The following TLK1 variants were observed in gnomAD, a reference collection of about 807,000 sequenced individuals.
TLK1 encodes serine/threonine-protein kinase tousled-like 1.
Under a neutral mutation model 105.3 loss-of-function variants are expected in TLK1, and 24 were observed. The observed-to-expected ratio is 0.23, with a 90% CI of 0.17 to 0.32. The LOEUF (loss-of-function observed/expected upper bound fraction) is 0.32, where lower values mean the gene tolerates loss of function less well. Ranked by LOEUF, TLK1 falls within the 10% of genes least tolerant of loss-of-function variation. The pLI, the probability that TLK1 is intolerant of heterozygous loss-of-function variation, is 1.00. For missense variants in TLK1, 558 were observed against 910.5 expected, an observed-to-expected ratio of 0.61 and a Z score of 4.98; for synonymous variants, 321 against 310.4, an observed-to-expected ratio of 1.03 and a Z score of -0.36.
In TLK1 at chr2:171,082,850, G is replaced by C. The variant is rs769116346; in HGVS notation, c.261C>G (p.Ala87=). 1.2e-6 allele frequency: 2 copies of C among 1,602,078 alleles called. No individual in the cohort carries two copies. The highest frequency in any genetic ancestry group is 3.3e-4 in the Middle Eastern group (2 of 6,022). The stretch of plus-strand genomic sequence containing the variant: ...GATTAGAGCTTTCGTTATTTGTTGA[G>C]GCCTGTTAAAGATTTTTTAAAAGGT... ...STGSCSVGAK[A]STNNESSNHS... is the part of the protein sequence containing the mutation. The change falls in exon 3 of 21, where the codon GCC becomes GCG. Residue 87 remains alanine (A), a splice_region_variant and synonymous_variant. Coordinates refer to ENST00000431350, the MANE Select transcript of TLK1 (RefSeq NM_012290.5).
At chr2:171,041,795 T>C (rs1203320112) in intron 11 of TLK1, among the ~76,000 whole-genome samples, 5 of 152,202 alleles carry the variant, frequency 3.3e-5, no homozygotes, top group Admixed American at 6.6e-5. Flanking sequence ...AATTTCTTGA[T>C]AGACAATTGA....
At chr2:171,042,857 G>A (rs1285838960) in intron 11 of TLK1, among the ~76,000 whole-genome samples, 1 of 152,118 alleles carries the variant, frequency 6.6e-6, no homozygotes, top group African/African-American at 2.4e-5. Context: ...TCCATTTAGA[G>A]AATTGAAAAA....
intron 1 of TLK1, among the ~76,000 whole-genome samples, chr2:171,214,286 G>A (rs1425701331): frequency 1.3e-5 from 2 of 152,114 alleles, no homozygotes; most frequent in African/African-American, 4.8e-5. Context: ...CATACGGCTT[G>A]GGTGAGTCAC....
intron 1 of TLK1, among the ~76,000 whole-genome samples, chr2:171,217,919 A>C (rs906399728): frequency 6.6e-6 from 1 of 152,200 alleles, no homozygotes; most frequent in Admixed American, 6.5e-5. Flanking sequence ...TTAGTTTCCT[A>C]TGGCTGCTAT....
chr2:171,071,470 G>C (rs1688252388), intron 3 of TLK1, among the ~76,000 whole-genome samples: 1 of 152,044 alleles, frequency 6.6e-6, no homozygotes, highest in African/African-American at 2.4e-5. Flanking sequence ...TGTATTTTTA[G>C]TAGAGACGGG....
At chr2:171,061,723 G>A (rs530566076) in intron 3 of TLK1, among the ~76,000 whole-genome samples, 17 of 152,230 alleles carry the variant, frequency 1.1e-4, no homozygotes, top group African/African-American at 4.1e-4. Flanking sequence ...ATGGCCTATG[G>A]GCCTAATCAG....
intron 1 of TLK1, chr2:171,154,453 TGGG>T (rs1410739550): frequency 6.6e-6 from 1 of 152,116 alleles, no homozygotes; most frequent in Non-Finnish European, 1.5e-5. Flanking sequence ...AACTGAATTT[TGGG>T]CCCAACTGTC....
At chr2:171,014,740 C>A in intron 13 of TLK1, 111 bp downstream of exon 13, 1 of 816,402 alleles carries the variant, frequency 1.2e-6, no homozygotes, top group South Asian at 1.8e-5. Flanking sequence ...GACTTTGGAT[C>A]TTTTCTAAGT....
chr2:171,104,250 T>TG (rs1355677442), intron 2 of TLK1, among the ~76,000 whole-genome samples: 1 of 148,382 alleles, frequency 6.7e-6, no homozygotes, highest in Non-Finnish European at 1.5e-5. Flanking sequence ...CACTCCAGCC[T>TG]GGGCAACAGA....
chr2:171,040,028 G>C (rs1168027742), intron 11 of TLK1, among the ~76,000 whole-genome samples: 1 of 151,994 alleles, frequency 6.6e-6, no homozygotes, highest in Non-Finnish European at 1.5e-5. Context: ...TGTCCTATAG[G>C]TAGATGTGTG....
intron 2 of TLK1, among the ~76,000 whole-genome samples, chr2:171,102,118 A>G (rs1001682374): frequency 1.3e-5 from 2 of 152,194 alleles, no homozygotes; most frequent in East Asian, 3.8e-4. Context: ...TTCTCTTAAT[A>G]TATCTTGGAG....
rs768871472 is a variant in TLK1 at position 171,055,123 on chromosome 2, G to C, written c.599C>G (p.Pro200Arg). ...GGATAATTGCTTTGGTTGTACAATA[G>C]GGTGGTCCCCAAATGCTAATGCAGT... ...SPTALAFGDH[P>R]IVQPKQLSFK... Residue 200 changes from proline (P) to arginine (R), a missense_variant, in exon 7 of 21, where the codon CCT (proline) becomes CGT (arginine). Transcript: ENST00000431350. 1.3e-6 allele frequency: 2 copies of C among 1,505,672 alleles called. No homozygotes were observed. Among genetic ancestry groups the C allele is most frequent in the Non-Finnish European group, 8.8e-7 (1 of 1,134,248 alleles). The allele number at this position is 1,505,672 out of a possible 1,614,324, so 93.3% of individuals were successfully genotyped here.
chr2:171,226,112 A>C (rs1164916181), intron 1 of TLK1, among the ~76,000 whole-genome samples: 1 of 152,174 alleles, frequency 6.6e-6, no homozygotes, highest in African/African-American at 2.4e-5. Flanking sequence ...AACAAATTGC[A>C]TGTTAATCTA....
chr2:171,191,633 G>T (rs1189195497), intron 1 of TLK1, among the ~76,000 whole-genome samples: 2 of 152,158 alleles, frequency 1.3e-5, no homozygotes, highest in Admixed American at 1.3e-4. Flanking sequence ...CCAGGAGAGG[G>T]CCTTGGGAGG....
intron 1 of TLK1, among the ~76,000 whole-genome samples, chr2:171,194,178 T>C (rs1048628298): frequency 1.3e-5 from 2 of 152,166 alleles, no homozygotes; most frequent in African/African-American, 4.8e-5. Context: ...TTATTCACAT[T>C]AATCTGTGAA....
intron 1 of TLK1, among the ~76,000 whole-genome samples, chr2:171,214,278 T>C (rs934296084): frequency 6.6e-6 from 1 of 152,156 alleles, no homozygotes; most frequent in Non-Finnish European, 1.5e-5. Context: ...TTAGTATCCA[T>C]ACGGCTTGGG....
intron 13 of TLK1, among the ~76,000 whole-genome samples, chr2:171,012,884 TC>T (rs1684987456): frequency 1.3e-5 from 2 of 152,230 alleles, no homozygotes; most frequent in Admixed American, 1.3e-4. Flanking sequence ...CTGCTTAGTT[TC>T]AAGCCACACT....
intron 1 of TLK1, among the ~76,000 whole-genome samples, chr2:171,125,795 T>C (rs145537918): frequency 6.6e-6 from 1 of 152,320 alleles, no homozygotes; most frequent in East Asian, 1.9e-4. Context: ...TTAGCGGTGA[T>C]TTCTGAGATT....
intron 2 of TLK1, among the ~76,000 whole-genome samples, chr2:171,084,909 G>C (rs929256839): frequency 3.9e-5 from 6 of 152,060 alleles, no homozygotes; most frequent in Non-Finnish European, 8.8e-5. Context: ...ATATACAGTA[G>C]ATAATGCTTT....
Sources: allele counts gnomAD v4.1 joint callset (sites outside exome capture counted in the v4.1 genomes callset), GRCh38; gene constraint gnomAD v4.1.1; transcripts MANE v1.5; gene names NCBI Gene and HGNC (gene_info 2026-07-23, HGNC 2026-07-21).